PTPRA: variants seen among roughly 807,000 people sequenced by gnomAD.
PTPRA encodes the protein protein tyrosine phosphatase receptor type A.
A neutral mutation model predicts 104.8 loss-of-function variants in PTPRA; 25 were observed. That is an observed-to-expected ratio of 0.24 (90% CI 0.17 to 0.33). The LOEUF is 0.33. PTPRA is among the 10% of genes least tolerant of loss of function. PTPRA has a pLI of 1.00. For missense variants in PTPRA, 765 were observed against 1,015.3 expected (o/e 0.75, Z 3.35); for synonymous variants, 323 against 368.9 (o/e 0.88, Z 1.43).
At chr20:2,960,411 G>A (rs995539575) in intron 3 of PTPRA, among the ~76,000 whole-genome samples, 8 of 151,724 alleles carry the variant, frequency 5.3e-5, no homozygotes, top group African/African-American at 1.7e-4. Flanking sequence ...CACCACATCC[G>A]GCTAATTTTT....
chr20:2,961,090 T>C (rs1374897731), intron 3 of PTPRA, among the ~76,000 whole-genome samples: 1 of 152,192 alleles, frequency 6.6e-6, no homozygotes, highest in Admixed American at 6.6e-5. Flanking sequence ...GCTGTAAACA[T>C]CCATGTGCAG....
At chr20:2,866,133 A>G in the PTPRA span, 1 of 1,273,436 alleles carries the variant, frequency 7.9e-7, no homozygotes, top group Non-Finnish European at 1.1e-6. Flanking sequence ...CGATGTATGC[A>G]TTGCGCCTCT....
At chr20:2,947,047 G>C (rs1246020449) in intron 2 of PTPRA, among the ~76,000 whole-genome samples, 4 of 152,090 alleles carry the variant, frequency 2.6e-5, no homozygotes, top group Non-Finnish European at 4.4e-5. Context: ...TCTCTCTCCA[G>C]CCTGGCACAA....
the PTPRA span, chr20:2,866,357 G>A: frequency 6.2e-7 from 1 of 1,614,138 alleles, no homozygotes; most frequent in Non-Finnish European, 8.5e-7. Flanking sequence ...TGGCTGAGCT[G>A]TGGGCTGGTG....
intron 1 of PTPRA, among the ~76,000 whole-genome samples, chr20:2,897,856 G>A (rs1600079214): frequency 6.6e-6 from 1 of 151,294 alleles, no homozygotes; most frequent in East Asian, 1.9e-4. Flanking sequence ...TTGGCCAGTG[G>A]GAACCCTTTC....
intron 2 of PTPRA, among the ~76,000 whole-genome samples, chr20:2,932,242 G>C (rs2060533499): frequency 1.3e-5 from 2 of 152,282 alleles, no homozygotes; most frequent in South Asian, 2.1e-4. Context: ...TTGTAGATTT[G>C]AGAACGAAGG....
At chr20:3,007,999 G>C (rs2063958254) in intron 11 of PTPRA, among the ~76,000 whole-genome samples, 2 of 152,260 alleles carry the variant, frequency 1.3e-5, no homozygotes, top group African/African-American at 4.8e-5. Flanking sequence ...TTTGTCTTTG[G>C]CAGTAGCCTG....
At chr20:2,890,543 T>A (rs924277827) in intron 1 of PTPRA, among the ~76,000 whole-genome samples, 1 of 152,216 alleles carries the variant, frequency 6.6e-6, no homozygotes, top group African/African-American at 2.4e-5. Context: ...ATTCTCTGTC[T>A]TCCCTCCCTA....
chr20:2,922,324 A>G (rs902026524), intron 1 of PTPRA, among the ~76,000 whole-genome samples: 4 of 152,146 alleles, frequency 2.6e-5, no homozygotes, highest in Non-Finnish European at 4.4e-5. Flanking sequence ...ATGTTTAAAT[A>G]GGGCTGTTTT....
In PTPRA at chr20:3,015,381, C is replaced by G. The variant is rs537922435; in HGVS notation, c.907-468C>G. ...GCAGTGGCGCAATCTTGGCTTGGCT[C>G]AGTGCAACCTCCACCTCCCAGGTTC... On this transcript the variant is annotated intron_variant, in intron 11 of 23. Coordinates refer to ENST00000399903, the MANE Select transcript of PTPRA (RefSeq NM_001385305.1). Among the ~76,000 whole-genome samples, 3 of 148,626 alleles carry G rather than the reference C, an allele frequency of 2.0e-5. No homozygotes were observed. The East Asian group carries it at 5.9e-4, about 29-fold the overall frequency.
At chr20:2,941,024 G>T (rs1052004616) in intron 2 of PTPRA, among the ~76,000 whole-genome samples, 1 of 151,222 alleles carries the variant, frequency 6.6e-6, no homozygotes. Flanking sequence ...TTTTTTTTGG[G>T]GGTTTTTTTT....
At chr20:2,958,836 G>T in intron 3 of PTPRA, among the ~76,000 whole-genome samples, 1 of 125,868 alleles carries the variant, frequency 7.9e-6, no homozygotes, top group South Asian at 2.5e-4. Context: ...AACAGAGCGA[G>T]ACTGTATCAA....
At chr20:2,864,974 A>G in the PTPRA span, 3 of 1,614,114 alleles carry the variant, frequency 1.9e-6, no homozygotes, top group Non-Finnish European at 2.5e-6. The surrounding 1 kb of genome is among the most constrained non-coding windows in gnomAD (Gnocchi z 5.2). Flanking sequence ...TCTTGTCTTT[A>G]TAGCGTATTG....
intron 9 of PTPRA, among the ~76,000 whole-genome samples, chr20:2,989,229 T>C (rs1038690629): frequency 1.3e-5 from 2 of 152,052 alleles, no homozygotes; most frequent in East Asian, 3.9e-4. Flanking sequence ...GGTCAAGAGA[T>C]AGAGACCATC....
intron 1 of PTPRA, among the ~76,000 whole-genome samples, chr20:2,876,737 T>G (rs2089743154): frequency 6.6e-6 from 1 of 152,236 alleles, no homozygotes; most frequent in Non-Finnish European, 1.5e-5. Flanking sequence ...ATTTTTGATT[T>G]GCAGACATGG....
Position 3,008,847 on chromosome 20 carries a change from G to A in PTPRA, c.906+1427G>A, listed in dbSNP as rs986834581. ...GAATTGCTTGAACCCGGGAGGCGGA[G>A]GTTGCAGTGAGCCGAGATGGCGCCA... is the stretch of plus-strand genomic sequence containing the variant. On this transcript the variant is annotated intron_variant, in intron 11 of 23. Transcript: ENST00000399903. Among the ~76,000 whole-genome samples the A allele has an allele frequency of 8.5e-4, 129 of 152,190 alleles. 1 individual carries two copies. The highest frequency in any genetic ancestry group is 5.9e-5 in the Non-Finnish European group (4 of 68,002).
chr20:2,891,481 C>T (rs373366350), intron 1 of PTPRA, among the ~76,000 whole-genome samples: 11 of 152,152 alleles, frequency 7.2e-5, no homozygotes, highest in African/African-American at 2.7e-4. Flanking sequence ...CCACCTCCCT[C>T]CTTCTTACTT....
At chr20:2,962,115 A>G (rs1187085624) in intron 3 of PTPRA, among the ~76,000 whole-genome samples, 6 of 152,208 alleles carry the variant, frequency 3.9e-5, no homozygotes, top group Non-Finnish European at 7.3e-5. Flanking sequence ...CAGCATTTTT[A>G]TATTCACAAA....
intron 11 of PTPRA, among the ~76,000 whole-genome samples, chr20:3,012,637 G>T (rs933529753): frequency 6.6e-6 from 1 of 152,276 alleles, no homozygotes; most frequent in African/African-American, 2.4e-5. Context: ...GTTTGGCAGT[G>T]AAGAGGGTTA....
Sources: gnomAD v4.1 joint callset for allele counts (sites outside exome capture counted in the v4.1 genomes callset) on GRCh38, gnomAD v4.1.1 for gene constraint, Gnocchi (gnomAD v3.1) non-coding constraint, MANE v1.5 for transcripts, NCBI Gene and HGNC (gene_info 2026-07-23, HGNC 2026-07-21) for gene names.